Variants in IL1RAP observed in about 807,000 individuals in gnomAD.
IL1RAP encodes interleukin-1 receptor accessory protein.
In IL1RAP, 35 loss-of-function variants were observed where a neutral mutation model predicts 60.7. That is an observed-to-expected ratio of 0.58 (90% CI 0.44 to 0.76). IL1RAP has a LOEUF of 0.76. IL1RAP is among the 30% of genes least tolerant of loss of function. The pLI is 0.00. For synonymous variants in IL1RAP, 268 were observed against 250.9 expected, an observed-to-expected ratio of 1.07 and a Z score of -0.64; for missense variants, 572 against 693.9, an observed-to-expected ratio of 0.82 and a Z score of 1.97.
chr3:190,606,942 A>C (rs1730379400), intron 4 of IL1RAP, among the ~76,000 whole-genome samples: 1 of 152,160 alleles, frequency 6.6e-6, no homozygotes, highest in African/African-American at 2.4e-5. Flanking sequence ...ACTGTTCTTC[A>C]TATTTTTTAA....
At chr3:190,545,266 T>C (rs1380755568) in intron 1 of IL1RAP, among the ~76,000 whole-genome samples, 1 of 152,230 alleles carries the variant, frequency 6.6e-6, no homozygotes, top group Non-Finnish European at 1.5e-5. Context: ...AGATTAATTA[T>C]GCATATCTGC....
At chr3:190,542,784 T>G (rs750198898) in intron 1 of IL1RAP, among the ~76,000 whole-genome samples, 2 of 152,142 alleles carry the variant, frequency 1.3e-5, no homozygotes, top group African/African-American at 4.8e-5. Context: ...CATAGAAAAC[T>G]CTTCCTTTCT....
intron 9 of IL1RAP, 132 bp from the exon 10 acceptor site, chr3:190,644,116 G>C (rs75317965): frequency 0.026 from 36,890 of 1,435,588 alleles, 564 homozygotes; most frequent in Non-Finnish European, 0.03. Flanking sequence ...ACTCTACAAT[G>C]TTATCTCTGA....
intron 6 of IL1RAP, 75 bp from the exon 7 acceptor site, chr3:190,623,269 T>A (rs186637986): frequency 8.8e-7 from 1 of 1,130,166 alleles, no homozygotes; most frequent in East Asian, 2.3e-5. Context: ...TTAGGCAAGA[T>A]TCAGAGAAGA....
chr3:190,645,665 C>G, intron 10 of IL1RAP, 34 bp from the exon 11 acceptor site: 1 of 1,532,378 alleles, frequency 6.5e-7, no homozygotes, highest in Non-Finnish European at 8.9e-7. Flanking sequence ...AGAAACTTTC[C>G]TAATTTACAT....
chr3:190,514,266 A>T, intron 1 of IL1RAP, 47 bp downstream of exon 1: 1 of 152,192 alleles, frequency 6.6e-6, no homozygotes, highest in South Asian at 2.1e-4. Context: ...CAAGCCGCAG[A>T]ATCTCAGGGT....
chr3:190,630,067 T>TTTA, intron 9 of IL1RAP: 3 of 800,294 alleles, frequency 3.7e-6, no homozygotes, highest in Non-Finnish European at 4.5e-6. Context: ...GTATTGAATG[T>TTTA]TTATTTTCCA....
intron 2 of IL1RAP, among the ~76,000 whole-genome samples, chr3:190,557,325 C>A (rs917163677): frequency 7.9e-5 from 12 of 152,156 alleles, no homozygotes; most frequent in African/African-American, 2.9e-4. Context: ...TACCTCACCC[C>A]ACAGAGCATG....
chr3:190,528,290 C>T (rs1300387582), intron 1 of IL1RAP, among the ~76,000 whole-genome samples: 1 of 152,164 alleles, frequency 6.6e-6, no homozygotes, highest in Non-Finnish European at 1.5e-5. Context: ...GTCTGGCTCT[C>T]CATTCCCCAT....
intron 3 of IL1RAP, among the ~76,000 whole-genome samples, chr3:190,576,718 A>G (rs1727485946): frequency 6.6e-6 from 1 of 152,192 alleles, no homozygotes; most frequent in African/African-American, 2.4e-5. Context: ...GATACCACCA[A>G]AATGCCTCCC....
chr3:190,607,262 C>G (rs1047382742), intron 4 of IL1RAP, among the ~76,000 whole-genome samples: 1 of 152,134 alleles, frequency 6.6e-6, no homozygotes, highest in Non-Finnish European at 1.5e-5. Flanking sequence ...AATGGCTACA[C>G]ATAGACTCCT....
At chr3:190,613,833 A>G (rs1053162846) in intron 5 of IL1RAP, among the ~76,000 whole-genome samples, 1 of 128,682 alleles carries the variant, frequency 7.8e-6, no homozygotes, top group African/African-American at 2.8e-5. Flanking sequence ...ACTCCATTTC[A>G]AAAAAAAAAA....
At chr3:190,618,820 A>G (rs975276320) in intron 5 of IL1RAP, among the ~76,000 whole-genome samples, 1 of 152,222 alleles carries the variant, frequency 6.6e-6, no homozygotes, top group Admixed American at 6.5e-5. Flanking sequence ...TGAAAAAAAT[A>G]CGTTACCCAA....
intron 1 of IL1RAP, among the ~76,000 whole-genome samples, chr3:190,524,617 A>G: frequency 6.6e-6 from 1 of 151,726 alleles, no homozygotes; most frequent in East Asian, 1.9e-4. Flanking sequence ...TTTTTATTTC[A>G]CCTCCAGTAG....
intron 2 of IL1RAP, among the ~76,000 whole-genome samples, chr3:190,557,886 G>C (rs1298974023): frequency 6.6e-6 from 1 of 152,006 alleles, no homozygotes; most frequent in East Asian, 1.9e-4. Flanking sequence ...TGACAAACAG[G>C]ATACAAAACT....
At position 190,627,309 on chromosome 3, in the gene IL1RAP, GT is replaced by G. The variant is rs34908328; in HGVS notation, c.776-4del. The G allele has an allele frequency of 0.82, 1,101,540 of 1,346,040 alleles. 445,456 individuals carry two copies. Among genetic ancestry groups the G allele is most frequent in the East Asian group, 0.96 (35,884 of 37,426 alleles). 83.4% of individuals were successfully genotyped at this position (1,346,040 alleles called of 1,614,324 possible). A position where few individuals can be genotyped will look rare whatever the true frequency, so the allele number is the denominator to read the frequency against. On this transcript the variant is annotated splice_polypyrimidine_tract_variant and intron_variant, in intron 7 of 11. Coordinates refer to ENST00000447382, the MANE Select transcript of IL1RAP (RefSeq NM_002182.4). ...GTTTTTTGTTTTTTTTGTTTTTTTGGTTTTTTTTTTCAGGAGAGGAGCTACT... is the reference window on the plus strand; with the variant it reads ...GTTTTTTGTTTTTTTTGTTTTTTTGGTTTTTTTTTCAGGAGAGGAGCTACT...
intron 1 of IL1RAP, among the ~76,000 whole-genome samples, chr3:190,531,378 T>G (rs568172309): frequency 1.3e-5 from 2 of 152,326 alleles, no homozygotes; most frequent in African/African-American, 4.8e-5. Flanking sequence ...CTGTTCTGTT[T>G]CCTCACTTTC....
At chr3:190,612,809 G>A (rs529061617) in intron 5 of IL1RAP, among the ~76,000 whole-genome samples, 10 of 152,250 alleles carry the variant, frequency 6.6e-5, no homozygotes, top group East Asian at 3.9e-4. Context: ...GTTGGGGACC[G>A]TCTGCTGTGT....
intron 3 of IL1RAP, among the ~76,000 whole-genome samples, chr3:190,580,315 T>G (rs899647164): frequency 6.6e-5 from 10 of 152,248 alleles, no homozygotes; most frequent in Admixed American, 6.5e-4. Flanking sequence ...TCAACTCTTA[T>G]GCTCAACTGA....
Sources: allele counts gnomAD v4.1 joint callset (sites outside exome capture counted in the v4.1 genomes callset), GRCh38; gene constraint gnomAD v4.1.1; transcripts MANE v1.5; gene names NCBI Gene and HGNC (gene_info 2026-07-23, HGNC 2026-07-21).